NDUFA7: variants seen among roughly 807,000 people sequenced by gnomAD.
The protein encoded by NDUFA7 is NADH dehydrogenase [ubiquinone] 1 alpha subcomplex subunit 7.
Under a neutral mutation model 14.2 loss-of-function variants are expected in NDUFA7, and 18 were observed. The observed-to-expected ratio is 1.27, with a 90% confidence interval of 0.88 to 1.88. The LOEUF (loss-of-function observed/expected upper bound fraction) is 1.88, where lower values mean the gene tolerates loss of function less well. Ranked by LOEUF, NDUFA7 falls within the 40% of genes most tolerant of loss-of-function variation. NDUFA7 has a pLI of 0.00. For missense variants in NDUFA7, 172 were observed against 147.3 expected, an observed-to-expected ratio of 1.17 and a Z score of -0.87; for synonymous variants, 75 against 62.1, an observed-to-expected ratio of 1.21 and a Z score of -0.98.
In NDUFA7 at chr19:8,321,290, C is replaced by T. The variant is rs1226371258; in HGVS notation, c.51+18G>A. 6.4e-7 allele frequency: 1 copy of T among 1,558,854 alleles called. No individual in the cohort carries two copies. The highest frequency in any genetic ancestry group is 1.2e-5 in the South Asian group (1 of 85,130). On this transcript the variant is annotated intron_variant, in intron 1 of 3. Transcript: ENST00000301457. Reference sequence around the variant, plus strand: ...AGCCCGAAGCCCCCCATGGTGCAGCCCTGTCCGCCCCGCGCACCCCGGACG... The same window carrying T: ...AGCCCGAAGCCCCCCATGGTGCAGCTCTGTCCGCCCCGCGCACCCCGGACG...
At chr19:8,315,390 G>C (rs1009146349) in intron 3 of NDUFA7, among the ~76,000 whole-genome samples, 1 of 152,178 alleles carries the variant, frequency 6.6e-6, no homozygotes, top group Non-Finnish European at 1.5e-5. Context: ...TGTAAAACCC[G>C]ATTGTATATT....
chr19:8,311,656 A>C, intron 3 of NDUFA7, 61 bp from the exon 4 acceptor site: 2 of 1,411,674 alleles, frequency 1.4e-6, no homozygotes, highest in East Asian at 2.4e-5. Context: ...GATCTGAGGG[A>C]GCCCACACCT....
chr19:8,312,522 C>T (rs1330581808), intron 3 of NDUFA7, among the ~76,000 whole-genome samples: 1 of 152,164 alleles, frequency 6.6e-6, no homozygotes, highest in Non-Finnish European at 1.5e-5. Flanking sequence ...GCTCTGTCAC[C>T]CAGGCTGGTG....
chr19:8,316,464 G>C, intron 3 of NDUFA7, 32 bp downstream of exon 3: 2 of 1,611,174 alleles, frequency 1.2e-6, no homozygotes, highest in Non-Finnish European at 1.7e-6. Flanking sequence ...GGGGGCATGG[G>C]GGCTGTGGTG....
chr19:8,313,815 A>G (rs920690834), intron 3 of NDUFA7, among the ~76,000 whole-genome samples: 79 of 152,266 alleles, frequency 5.2e-4, no homozygotes, highest in African/African-American at 1.9e-3. Context: ...GGTCATCACC[A>G]TCTAACTGGT....
intron 3 of NDUFA7, among the ~76,000 whole-genome samples, chr19:8,316,182 T>C (rs1236602146): frequency 1.4e-5 from 2 of 146,110 alleles, no homozygotes. Context: ...TGACCCAGCA[T>C]GGTGGCACTA....
At position 8,321,120 on chromosome 19, in the gene NDUFA7, T is replaced by G. The variant is rs545643812; in HGVS notation, c.51+188A>C. 8.9e-6 allele frequency: 8 copies of G among 898,232 alleles called. No individual in the cohort carries two copies. The African/African-American group carries it at 1.3e-4, about 15-fold the overall frequency. 55.6% of individuals were successfully genotyped at this position (898,232 alleles called of 1,614,324 possible). ...CTAAGAAGGTCGGGGACTGGGGAAA[T>G]CCCAGGCCTGAGTGGTTCCCAGGCC... On this transcript the variant is annotated intron_variant, in intron 1 of 3. Coordinates refer to ENST00000301457, the MANE Select transcript of NDUFA7 (RefSeq NM_005001.5).
chr19:8,313,191 G>A (rs1970197374), intron 3 of NDUFA7, among the ~76,000 whole-genome samples: 1 of 151,518 alleles, frequency 6.6e-6, no homozygotes, highest in South Asian at 2.1e-4. Context: ...GAGTCACTGG[G>A]ATTACAGGCA....
intron 2 of NDUFA7, among the ~76,000 whole-genome samples, chr19:8,320,394 T>C (rs1468423234): frequency 1.3e-5 from 2 of 152,182 alleles, no homozygotes; most frequent in African/African-American, 4.8e-5. Context: ...ATAAGAACTT[T>C]CCTGGTTCAC....
Position 8,311,401 on chromosome 19 carries a change from A to G in NDUFA7, c.*104T>C. The G allele has an allele frequency of 1.1e-6, 1 of 889,248 alleles. No homozygotes were observed. The highest frequency in any genetic ancestry group is 1.7e-6 in the Non-Finnish European group (1 of 578,812). The allele number at this position is 889,248 out of a possible 1,614,324, so 55.1% of individuals were successfully genotyped here. ...TTTTTTTATTTTTTAAAGTAAAACTAGAAGTGATACCTGAGCTCTACGTAT... is the reference window on the plus strand; with the variant it reads ...TTTTTTTATTTTTTAAAGTAAAACTGGAAGTGATACCTGAGCTCTACGTAT... On this transcript the variant is annotated 3_prime_UTR_variant, in exon 4 of 4. Coordinates refer to ENST00000301457, the MANE Select transcript of NDUFA7 (RefSeq NM_005001.5).
intron 3 of NDUFA7, among the ~76,000 whole-genome samples, chr19:8,312,506 A>C (rs367575276): frequency 6.6e-6 from 1 of 151,844 alleles, no homozygotes; most frequent in Non-Finnish European, 1.5e-5. Context: ...TTTGAGACAG[A>C]CTCTTGCTCT....
chr19:8,312,066 C>T (rs566190602), intron 3 of NDUFA7, among the ~76,000 whole-genome samples: 1 of 152,346 alleles, frequency 6.6e-6, no homozygotes, highest in African/African-American at 2.4e-5. Context: ...GATGGGGCAC[C>T]GCCCTCAGGA....
downstream of NDUFA7, among the ~76,000 whole-genome samples, chr19:8,309,280 C>T (rs1019183000): frequency 2.0e-5 from 3 of 152,074 alleles, no homozygotes; most frequent in Admixed American, 2.0e-4. Context: ...CTAAACCAGC[C>T]TGGCCAACAT....
intron 2 of NDUFA7, chr19:8,316,929 C>T: frequency 3.4e-6 from 1 of 297,330 alleles, no homozygotes; most frequent in Non-Finnish European, 6.3e-6. Context: ...TCTGAGGCTC[C>T]CAAGGCCCGG....
intron 1 of NDUFA7, 109 bp from the exon 2 acceptor site, chr19:8,321,015 AG>A (rs1970299872): frequency 7.8e-7 from 1 of 1,289,436 alleles, no homozygotes; most frequent in South Asian, 1.2e-5. Context: ...AAGGGAAGGC[AG>A]GGGATGAACA....
At chr19:8,319,182 G>C (rs1199978735) in intron 2 of NDUFA7, 1 of 152,032 alleles carries the variant, frequency 6.6e-6, no homozygotes, top group African/African-American at 2.4e-5. Context: ...TAAGTGATAG[G>C]TTGATCTTTG....
rs751841437 is a variant in NDUFA7, at chr19:8,316,568, C to T, written c.179G>A (p.Arg60His). Residue 60 changes from arginine (R) to histidine (H), a missense_variant, in exon 3 of 4, where the codon CGC becomes CAC. Physicochemically the swap from Arg to His is conservative, Grantham distance 29 (BLOSUM62 0). Coordinates refer to ENST00000301457, the MANE Select transcript of NDUFA7 (RefSeq NM_005001.5). ...GATGGAAGGGGGCACAGATTCCCGG[C>T]GGCCATCGCGAGTGCAATAGTAATT... ...SNNYYCTRDG[R>H]RESVPPSIIM... is the part of the protein sequence containing the mutation. The T allele has an allele frequency of 3.3e-5, 53 of 1,614,004 alleles. No homozygotes were observed. Among genetic ancestry groups the T allele is most frequent in the Middle Eastern group, 1.6e-4 (1 of 6,084 alleles).
At chr19:8,314,873 C>A (rs1970215670) in intron 3 of NDUFA7, among the ~76,000 whole-genome samples, 1 of 152,130 alleles carries the variant, frequency 6.6e-6, no homozygotes, top group South Asian at 2.1e-4. Flanking sequence ...CGAGATCACA[C>A]CACTGCACTC....
At chr19:8,316,417 C>G in intron 3 of NDUFA7, 79 bp downstream of exon 3, 17 of 1,566,140 alleles carry the variant, frequency 1.1e-5, no homozygotes, top group Non-Finnish European at 1.5e-5. Flanking sequence ...TGACAAGCAC[C>G]CTTTCCACAA....
Sources: allele counts gnomAD v4.1 joint callset (sites outside exome capture counted in the v4.1 genomes callset), GRCh38; gene constraint gnomAD v4.1.1; transcripts MANE v1.5; gene names NCBI Gene and HGNC (gene_info 2026-07-23, HGNC 2026-07-21).